POLR3GL: variants seen among roughly 807,000 people sequenced by gnomAD.
The protein encoded by POLR3GL is DNA-directed RNA polymerase III subunit RPC7-like.
Under a neutral mutation model 32.4 loss-of-function variants are expected in POLR3GL, and 26 were observed. The observed-to-expected ratio is 0.80, with a 90% CI of 0.59 to 1.11. POLR3GL has a LOEUF of 1.11. Ranked by LOEUF, POLR3GL falls within the 50% of genes most tolerant of loss-of-function variation. The pLI is 0.00. For missense variants in POLR3GL, 229 were observed against 280.1 expected (o/e 0.82, Z 1.30); for synonymous variants, 95 against 98.7 (o/e 0.96, Z 0.22).
chr1:145,973,433 CA>C (rs1189855260), intron 1 of POLR3GL, among the ~76,000 whole-genome samples: 5 of 151,992 alleles, frequency 3.3e-5, no homozygotes, highest in African/African-American at 1.2e-4. Context: ...AAAGTAGGGT[CA>C]GGGGTGGTGA....
At chr1:145,976,930 A>AG (rs1650581358) in intron 3 of POLR3GL, among the ~76,000 whole-genome samples, 154 bp from the exon 4 acceptor site, 1 of 126,820 alleles carries the variant, frequency 7.9e-6, no homozygotes, top group Admixed American at 7.4e-5. Flanking sequence ...AAAAAAAAAA[A>AG]AGTAGATAAG....
intron 1 of POLR3GL, among the ~76,000 whole-genome samples, chr1:145,970,800 C>G (rs763388145): frequency 7.6e-6 from 1 of 131,382 alleles, no homozygotes; most frequent in Non-Finnish European, 1.6e-5. Context: ...CGCTTGAACC[C>G]GGGAGGCGGA....
intron 1 of POLR3GL, among the ~76,000 whole-genome samples, chr1:145,967,106 A>G (rs1650071611): frequency 6.6e-6 from 1 of 151,990 alleles, no homozygotes; most frequent in South Asian, 2.1e-4. Context: ...AAAAAAACTC[A>G]TGACAGCCTG....
chr1:145,976,617 T>C (rs1169093203), intron 3 of POLR3GL, among the ~76,000 whole-genome samples: 1 of 148,406 alleles, frequency 6.7e-6, no homozygotes, highest in African/African-American at 2.5e-5. Flanking sequence ...AGGAACAGGT[T>C]AGAAGAGTGA....
At chr1:145,977,004 T>C in intron 3 of POLR3GL, 80 bp from the exon 4 acceptor site, 1 of 1,164,572 alleles carries the variant, frequency 8.6e-7, no homozygotes, top group Non-Finnish European at 1.3e-6. Flanking sequence ...AATTCCTCAG[T>C]ATTGAGAGGG....
At chr1:145,976,937 T>G (rs1484987056) in intron 3 of POLR3GL, 147 bp from the exon 4 acceptor site, 2 of 541,244 alleles carry the variant, frequency 3.7e-6, no homozygotes, top group Admixed American at 3.1e-5. Context: ...AAAAAGTAGA[T>G]AAGGTCCTCA....
At chr1:145,969,176 G>A (rs2101930167) in intron 1 of POLR3GL, among the ~76,000 whole-genome samples, 1 of 152,244 alleles carries the variant, frequency 6.6e-6, no homozygotes, top group East Asian at 1.9e-4. Flanking sequence ...ATAGCTCACT[G>A]CAGCCTCGAC....
chr1:145,977,634 C>T, intron 5 of POLR3GL, 95 bp downstream of exon 5: 1 of 1,347,920 alleles, frequency 7.4e-7, no homozygotes, highest in Non-Finnish European at 1.1e-6. Flanking sequence ...ATCCCAGTTC[C>T]TATACCCAAT....
chr1:145,968,649 G>C, intron 1 of POLR3GL, among the ~76,000 whole-genome samples: 1 of 150,726 alleles, frequency 6.6e-6, no homozygotes, highest in East Asian at 2.0e-4. Flanking sequence ...TTGGCTCACT[G>C]CAACCTCTGC....
In POLR3GL at chr1:145,977,822, G is replaced by C. The variant is rs1553763744; in HGVS notation, c.427G>C (p.Asp143His). Residue 143 changes from aspartate to histidine, a missense_variant, in exon 6 of 8, where the codon GAT becomes CAT. Coordinates refer to ENST00000369314, the MANE Select transcript of POLR3GL (RefSeq NM_032305.3). ...CAAGAGGCCCCCTAAGACCACAGAAGATAAGGAGGAAACAATACAGAAACT... is the reference window on the plus strand; with the variant it reads ...CAAGAGGCCCCCTAAGACCACAGAACATAAGGAGGAAACAATACAGAAACT... ...LPKRPPKTTE[D>H]KEETIQKLET... 6.2e-7 allele frequency: 1 copy of C among 1,614,070 alleles called. No homozygotes were observed. Among genetic ancestry groups the C allele is most frequent in the Admixed American group, 1.7e-5 (1 of 60,016 alleles).
rs1650685616 is a variant in POLR3GL, at chr1:145,978,848, C to T, written c.*401C>T. 1 of 162,610 alleles carries T rather than the reference C, an allele frequency of 6.1e-6. No individual in the cohort carries two copies. The highest frequency in any genetic ancestry group is 1.6e-4 in the South Asian group (1 of 6,392). The allele number at this position is 162,610 out of a possible 1,614,324, so 10.1% of individuals were successfully genotyped here. ...TTTTAAATAAAGTGTTTTTATCTGT[C>T]TCTCTGTTGTGGGTGAGGCCTGGTG... On this transcript the variant is annotated 3_prime_UTR_variant, in exon 8 of 8. Transcript: ENST00000369314.
intron 1 of POLR3GL, among the ~76,000 whole-genome samples, chr1:145,971,719 C>T (rs1650307422): frequency 6.6e-6 from 1 of 151,882 alleles, no homozygotes. Context: ...GTAATCCCAG[C>T]ACTTTGGGAG....
chr1:145,977,015 C>G lies in POLR3GL; in HGVS notation c.257-69C>G, dbSNP rs990043682. ...AGATAATTCCTCAGTATTGAGAGGG[C>G]TGGACTCTCAGGAACAGTCCTGTTC... On this transcript the variant is annotated intron_variant, in intron 3 of 7. Coordinates refer to ENST00000369314, the MANE Select transcript of POLR3GL (RefSeq NM_032305.3). 4.6e-6 allele frequency: 6 copies of G among 1,301,292 alleles called. No individual in the cohort carries two copies. In the Admixed American group the frequency reaches 1.0e-4, roughly 22 times the overall value. 80.6% of individuals were successfully genotyped at this position (1,301,292 alleles called of 1,614,324 possible). A position where few individuals can be genotyped will look rare whatever the true frequency, so the allele number is the denominator to read the frequency against.
chr1:145,972,039 T>TAGAG (rs1201679187), intron 1 of POLR3GL, among the ~76,000 whole-genome samples: 3 of 128,562 alleles, frequency 2.3e-5, no homozygotes, highest in East Asian at 2.2e-4. Flanking sequence ...TGTATATATA[T>TAGAG]AGAGAGAGAG....
chr1:145,977,408 C>CT (rs1233655071), intron 4 of POLR3GL, 75 bp from the exon 5 acceptor site: 2 of 1,430,598 alleles, frequency 1.4e-6, no homozygotes, highest in African/African-American at 2.8e-5. Flanking sequence ...CCCTCACCCC[C>CT]CTTTAAAACC....
chr1:145,968,889 C>T lies in POLR3GL; in HGVS notation c.-42+4121C>T, dbSNP rs781901501. ...CCCAGCCAACAAATTCTTATTATTT[C>T]TCTAGTCTCCATGAGACATCTTCTC... On this transcript the variant is annotated intron_variant, in intron 1 of 7. Coordinates refer to ENST00000369314, the MANE Select transcript of POLR3GL (RefSeq NM_032305.3). Among the ~76,000 whole-genome samples the T allele has an allele frequency of 9.2e-5, 14 of 151,966 alleles. 1 individual carries two copies. The highest frequency in any genetic ancestry group is 3.4e-4 in the African/African-American group (14 of 41,468).
At chr1:145,978,255 G>A (rs1458866356) in intron 7 of POLR3GL, 106 bp from the exon 8 acceptor site, 3 of 1,306,576 alleles carry the variant, frequency 2.3e-6, no homozygotes, top group African/African-American at 1.5e-5. Flanking sequence ...ACAGCTGGAA[G>A]AGATGTCTCA....
At chr1:145,978,225 C>G in intron 7 of POLR3GL, 129 bp downstream of exon 7, 4 of 1,360,810 alleles carry the variant, frequency 2.9e-6, no homozygotes, top group Admixed American at 4.4e-5. Flanking sequence ...TCTACTTCAT[C>G]TGCCCCCCTT....
intron 1 of POLR3GL, among the ~76,000 whole-genome samples, chr1:145,968,501 G>A (rs1456660966): frequency 6.6e-6 from 1 of 152,002 alleles, no homozygotes; most frequent in Non-Finnish European, 1.5e-5. Context: ...TATCTGTCAA[G>A]TGGAAAGATA....
Sources: gnomAD v4.1 joint callset for allele counts (sites outside exome capture counted in the v4.1 genomes callset) on GRCh38, gnomAD v4.1.1 for gene constraint, MANE v1.5 for transcripts, NCBI Gene and HGNC (gene_info 2026-07-23, HGNC 2026-07-21) for gene names.